CHD7: variants seen among roughly 807,000 people sequenced by gnomAD.
The protein encoded by CHD7 is chromodomain helicase DNA binding protein 7, also known as ATP-dependent chromatin remodeler CHD7.
CHD7 carries 24 observed loss-of-function variants against 307.3 expected under a neutral mutation model. The observed-to-expected ratio is 0.08, with a 90% CI of 0.06 to 0.11. The LOEUF (loss-of-function observed/expected upper bound fraction) is 0.11, where lower values mean the gene tolerates loss of function less well. Ranked by LOEUF, CHD7 falls within the 10% of genes least tolerant of loss-of-function variation. CHD7 has a pLI of 1.00. For missense variants in CHD7, 3,106 were observed against 3,727.1 expected, an observed-to-expected ratio of 0.83 and a Z score of 4.34; for synonymous variants, 1,363 against 1,349.9, an observed-to-expected ratio of 1.01 and a Z score of -0.21.
intron 15 of CHD7, among the ~76,000 whole-genome samples, chr8:60,835,535 G>A (rs918578520): frequency 1.3e-5 from 2 of 152,164 alleles, no homozygotes; most frequent in African/African-American, 4.8e-5. Context: ...CCAGGAAATT[G>A]TCCTGGAAAT....
At chr8:60,695,237 A>C (rs766881264) in intron 1 of CHD7, among the ~76,000 whole-genome samples, 16 of 152,348 alleles carry the variant, frequency 1.1e-4, no homozygotes, top group Admixed American at 2.0e-4. Context: ...AAATAAAGCT[A>C]CTCCATTGAT....
intron 2 of CHD7, among the ~76,000 whole-genome samples, chr8:60,773,055 C>A (rs1446202733): frequency 6.6e-6 from 1 of 152,200 alleles, no homozygotes; most frequent in African/African-American, 2.4e-5. Context: ...AACAATATCA[C>A]CCACCTCACC....
intron 34 of CHD7, among the ~76,000 whole-genome samples, chr8:60,860,625 G>A (rs1353508729): frequency 6.6e-6 from 1 of 152,058 alleles, no homozygotes; most frequent in African/African-American, 2.4e-5. Flanking sequence ...TGTAAAGATG[G>A]GGTTTCACCA....
chr8:60,782,720 T>C (rs1197271213), intron 3 of CHD7, among the ~76,000 whole-genome samples: 1 of 152,240 alleles, frequency 6.6e-6, no homozygotes, highest in Non-Finnish European at 1.5e-5. Flanking sequence ...TTTTTAAACT[T>C]AACACTTTAT....
chr8:60,828,399 A>G (rs1301006992), intron 13 of CHD7, among the ~76,000 whole-genome samples: 4 of 152,192 alleles, frequency 2.6e-5, no homozygotes, highest in Non-Finnish European at 5.9e-5. Context: ...CCGTGATACT[A>G]AAATACTGAC....
At chr8:60,800,349 C>A in intron 4 of CHD7, 39 bp from the exon 5 acceptor site, 1 of 1,599,284 alleles carries the variant, frequency 6.3e-7, no homozygotes, top group Non-Finnish European at 8.5e-7. Flanking sequence ...TCTTTTTAAT[C>A]ATTAATTTCA....
intron 6 of CHD7, among the ~76,000 whole-genome samples, chr8:60,806,009 A>G (rs1296186655): frequency 2.0e-5 from 3 of 152,088 alleles, no homozygotes; most frequent in Non-Finnish European, 4.4e-5. Flanking sequence ...TTTTTCCCTG[A>G]TCATCTACCA....
chr8:60,821,862 A>C lies in CHD7; in HGVS notation c.2770A>C (p.Ile924Leu). 1.2e-6 allele frequency: 2 copies of C among 1,604,854 alleles called. No homozygotes were observed. Among genetic ancestry groups the C allele is most frequent in the South Asian group, 1.1e-5 (1 of 89,448 alleles). Residue 924 changes from isoleucine to leucine, a missense_variant, in exon 10 of 38, where the codon ATA (isoleucine) becomes CTA (leucine). Transcript: ENST00000423902. ...CAGCACGTGGGAGCGGAGGCAGGACATAGATCAAGCAAAGATCGAGGAGTT... is the reference window on the plus strand; with the variant it reads ...CAGCACGTGGGAGCGGAGGCAGGACCTAGATCAAGCAAAGATCGAGGAGTT... ...EDSTWERRQD[I>L]DQAKIEEFEK...
In CHD7 at chr8:60,852,909, C is replaced by T. The variant is rs886063038; in HGVS notation, c.6184C>T (p.Arg2062Trp). ...AACTCTGTACCGCATTGAGCTGCTA[C>T]GGAAGATCCGCGAGCAGGTTCTCCA... ...SRTLYRIELL[R>W]KIREQVLHHP... The change falls in exon 31 of 38, where the codon CGG (arginine) becomes TGG (tryptophan). Residue 2062 changes from arginine to tryptophan, a missense_variant. Transcript: ENST00000423902. 5 of 1,613,870 alleles carry T rather than the reference C, an allele frequency of 3.1e-6. No individual in the cohort carries two copies. The highest frequency in any genetic ancestry group is 2.7e-5 in the African/African-American group (2 of 74,920).
At chr8:60,736,033 A>G (rs777693321) in intron 1 of CHD7, among the ~76,000 whole-genome samples, 1 of 152,154 alleles carries the variant, frequency 6.6e-6, no homozygotes, top group Non-Finnish European at 1.5e-5. Flanking sequence ...ACTAATGAGG[A>G]AGAAAATGTG....
chr8:60,747,272 T>A (rs1809378380), intron 2 of CHD7, among the ~76,000 whole-genome samples: 1 of 151,976 alleles, frequency 6.6e-6, no homozygotes, highest in East Asian at 1.9e-4. Flanking sequence ...GAGATGGGGT[T>A]TCACCATGTT....
At chr8:60,785,129 G>A (rs758045582) in intron 3 of CHD7, among the ~76,000 whole-genome samples, 2 of 152,200 alleles carry the variant, frequency 1.3e-5, no homozygotes, top group Non-Finnish European at 2.9e-5. Context: ...TGCCTTGTGA[G>A]ATGAGAAAGA....
chr8:60,760,808 C>T (rs1415812153), intron 2 of CHD7, among the ~76,000 whole-genome samples: 1 of 151,882 alleles, frequency 6.6e-6, no homozygotes, highest in African/African-American at 2.4e-5. Flanking sequence ...CATCTCACAC[C>T]AGTTAGAATG....
At chr8:60,824,862 A>G (rs1234762703) in intron 13 of CHD7, 2 of 151,954 alleles carry the variant, frequency 1.3e-5, no homozygotes, top group Non-Finnish European at 2.9e-5. Flanking sequence ...GATTTGATTT[A>G]TTTTCTGTCT....
intron 13 of CHD7, among the ~76,000 whole-genome samples, chr8:60,826,797 T>C (rs537778010): frequency 1.3e-5 from 2 of 152,302 alleles, no homozygotes; most frequent in Admixed American, 6.5e-5. Context: ...TAGTTCTTCA[T>C]TGATTCTAGT....
At chr8:60,837,996 G>GA in intron 18 of CHD7, 80 bp from the exon 19 acceptor site, 1 of 1,294,440 alleles carries the variant, frequency 7.7e-7, no homozygotes, top group Non-Finnish European at 1.0e-6. Flanking sequence ...CTCTCTTTGA[G>GA]AAAAATGCAG....
chr8:60,735,058 G>T (rs187424828), intron 1 of CHD7, among the ~76,000 whole-genome samples: 1 of 152,292 alleles, frequency 6.6e-6, no homozygotes, highest in East Asian at 1.9e-4. Flanking sequence ...GCATTAGCAG[G>T]TTGGGAAATG....
Position 60,822,863 on chromosome 8 carries a change from C to T in CHD7, c.3201+117C>T, listed in dbSNP as rs1804108930. On this transcript the variant is annotated intron_variant, in intron 12 of 37. Coordinates refer to ENST00000423902, the MANE Select transcript of CHD7 (RefSeq NM_017780.4). Reference sequence around the variant, plus strand: ...AAATTTTGCCAAATTGAGAAATTTGCTTTAGATATCTGACTCAATTTACAT... The same window carrying T: ...AAATTTTGCCAAATTGAGAAATTTGTTTTAGATATCTGACTCAATTTACAT... 6 of 775,426 alleles carry T rather than the reference C, an allele frequency of 7.7e-6. No individual in the cohort carries two copies. In the South Asian group the frequency reaches 1.2e-4, roughly 15 times the overall value. The allele number at this position is 775,426 out of a possible 1,614,324, so 48.0% of individuals were successfully genotyped here.
At chr8:60,790,587 C>T (rs1486372740) in intron 3 of CHD7, among the ~76,000 whole-genome samples, 2 of 152,044 alleles carry the variant, frequency 1.3e-5, no homozygotes, top group Non-Finnish European at 2.9e-5. Flanking sequence ...AGAGTAGTGC[C>T]TGGTACATAC....
Sources: gnomAD v4.1 joint callset for allele counts (sites outside exome capture counted in the v4.1 genomes callset) on GRCh38, gnomAD v4.1.1 for gene constraint, MANE v1.5 for transcripts, NCBI Gene and HGNC (gene_info 2026-07-23, HGNC 2026-07-21) for gene names.